The following CA10 variants were observed in gnomAD, a reference collection of about 807,000 sequenced individuals.
CA10 encodes the protein carbonic anhydrase-related protein 10.
Under a neutral mutation model 44.2 loss-of-function variants are expected in CA10, and 14 were observed. The observed-to-expected ratio is 0.32, with a 90% CI of 0.21 to 0.50. The LOEUF is 0.50. CA10 is among the 20% of genes least tolerant of loss of function. The pLI is 0.99. For missense variants in CA10, 350 were observed against 409.7 expected (o/e 0.85, Z 1.26); for synonymous variants, 159 against 141.6 (o/e 1.12, Z -0.87).
At chr17:52,105,248 C>T (rs984284863) in intron 1 of CA10, among the ~76,000 whole-genome samples, 3 of 147,200 alleles carry the variant, frequency 2.0e-5, no homozygotes, top group Admixed American at 6.9e-5. Context: ...TTCAAATCCT[C>T]ATGTTTTTTT....
At chr17:51,670,225 G>C (rs1219721767) in intron 4 of CA10, among the ~76,000 whole-genome samples, 1 of 152,186 alleles carries the variant, frequency 6.6e-6, no homozygotes, top group Non-Finnish European at 1.5e-5. Flanking sequence ...AATTATAGTA[G>C]CTACCATTTA....
At chr17:51,901,335 A>T (rs940629639) in intron 3 of CA10, among the ~76,000 whole-genome samples, 9 of 152,016 alleles carry the variant, frequency 5.9e-5, no homozygotes, top group African/African-American at 2.2e-4. Context: ...GGGGCCTGGT[A>T]CCCAGCCCCC....
chr17:51,906,556 T>C (rs1278787199), intron 3 of CA10, among the ~76,000 whole-genome samples: 3 of 152,192 alleles, frequency 2.0e-5, no homozygotes, highest in Non-Finnish European at 4.4e-5. Flanking sequence ...GATAGTCTAA[T>C]GTATGCCCAT....
At chr17:51,900,565 T>C (rs1368960424) in intron 3 of CA10, among the ~76,000 whole-genome samples, 1 of 152,182 alleles carries the variant, frequency 6.6e-6, no homozygotes, top group Non-Finnish European at 1.5e-5. Flanking sequence ...CAAATTTGAA[T>C]GTTGGCCTAA....
intron 1 of CA10, among the ~76,000 whole-genome samples, chr17:52,141,577 A>G (rs573234300): frequency 1.8e-4 from 27 of 152,318 alleles, no homozygotes; most frequent in African/African-American, 6.3e-4. Flanking sequence ...CAACTACTCA[A>G]TGCTGCTGCT....
intron 3 of CA10, among the ~76,000 whole-genome samples, chr17:51,880,981 T>A (rs1228044089): frequency 1.3e-5 from 2 of 151,912 alleles, no homozygotes; most frequent in African/African-American, 4.8e-5. Context: ...CTCACGCCTG[T>A]AATCCCAGCA....
chr17:51,831,401 T>A (rs182310778), intron 3 of CA10, among the ~76,000 whole-genome samples: 1 of 152,338 alleles, frequency 6.6e-6, no homozygotes, highest in East Asian at 1.9e-4. Context: ...TCTTGTCATG[T>A]GACAAGAAGT....
chr17:51,695,244 A>G (rs1041365781), intron 4 of CA10, among the ~76,000 whole-genome samples: 1 of 152,222 alleles, frequency 6.6e-6, no homozygotes, highest in Non-Finnish European at 1.5e-5. Flanking sequence ...TGCTTTGGGC[A>G]GTATGGCCAT....
intron 3 of CA10, among the ~76,000 whole-genome samples, chr17:51,925,392 C>A (rs1269080984): frequency 2.0e-5 from 3 of 150,870 alleles, no homozygotes; most frequent in Non-Finnish European, 4.4e-5. Context: ...GAGATCACTT[C>A]ACAACCATTA....
intron 2 of CA10, among the ~76,000 whole-genome samples, chr17:51,931,452 C>A (rs1273743719): frequency 4.6e-5 from 7 of 152,100 alleles, no homozygotes; most frequent in African/African-American, 1.7e-4. Flanking sequence ...TTGCAATATG[C>A]CTGGGGTAGC....
chr17:51,856,159 C>T (rs1979032890), intron 3 of CA10, among the ~76,000 whole-genome samples: 1 of 152,166 alleles, frequency 6.6e-6, no homozygotes, highest in South Asian at 2.1e-4. Context: ...GCTGCCAGTG[C>T]TTTCTATTTG....
intron 2 of CA10, among the ~76,000 whole-genome samples, chr17:51,932,926 C>T (rs1290708614): frequency 6.6e-6 from 1 of 151,872 alleles, no homozygotes; most frequent in Non-Finnish European, 1.5e-5. Flanking sequence ...AAAACACTGA[C>T]TTGATCTTAT....
intron 4 of CA10, among the ~76,000 whole-genome samples, chr17:51,740,887 C>T (rs1339462135): frequency 2.6e-5 from 4 of 152,202 alleles, no homozygotes. Context: ...CTCACTCCTT[C>T]CACTCCTCAT....
At position 51,813,907 on chromosome 17, in the gene CA10, C is replaced by A. The variant is rs572449837; in HGVS notation, c.280-66089G>T. On this transcript the variant is annotated intron_variant, in intron 3 of 8. Transcript: ENST00000451037. ...GACCCTAAATCTAGCACTCTTTCTT[C>A]AATGTTTCCAAGCTCTCAGGTGGCT... Among the ~76,000 whole-genome samples, 4 of 152,340 alleles carry A rather than the reference C, an allele frequency of 2.6e-5. No homozygotes were observed. The East Asian group carries it at 7.7e-4, about 29-fold the overall frequency.
chr17:51,813,987 A>T (rs1011571607), intron 3 of CA10, among the ~76,000 whole-genome samples: 57 of 152,226 alleles, frequency 3.7e-4, no homozygotes, highest in African/African-American at 1.4e-3. Context: ...CAAAATCATA[A>T]CCATGCCAAG....
At chr17:51,721,482 G>A (rs949219482) in intron 4 of CA10, among the ~76,000 whole-genome samples, 4 of 151,796 alleles carry the variant, frequency 2.6e-5, no homozygotes, top group South Asian at 2.1e-4. Context: ...TTACACAGGC[G>A]CCTGCCACCA....
chr17:52,086,260 T>C (rs1988114761), intron 1 of CA10, among the ~76,000 whole-genome samples: 1 of 152,186 alleles, frequency 6.6e-6, no homozygotes, highest in Non-Finnish European at 1.5e-5. Flanking sequence ...AAAATCTCAA[T>C]GGCATAGTAC....
At chr17:51,681,419 A>G (rs1263950) in intron 4 of CA10, among the ~76,000 whole-genome samples, 124,039 of 152,120 alleles carry the variant, frequency 0.82, 50,846 homozygotes, top group Admixed American at 0.87. Context: ...AGCCATGCAT[A>G]GCATTGGTTG....
chr17:52,003,238 G>A lies in CA10; in HGVS notation c.136+69081C>T, dbSNP rs185208651. On this transcript the variant is annotated intron_variant, in intron 2 of 8. Coordinates refer to ENST00000451037, the MANE Select transcript of CA10 (RefSeq NM_020178.5). ...TTTACATTTTTCAAGTCAAACTTGAGCATCAGCTCCTCCTGGAAGTCTTCC... is the reference window on the plus strand; with the variant it reads ...TTTACATTTTTCAAGTCAAACTTGAACATCAGCTCCTCCTGGAAGTCTTCC... Among the ~76,000 whole-genome samples the A allele has an allele frequency of 1.1e-4, 17 of 151,984 alleles. No homozygotes were observed. In the East Asian group the frequency reaches 3.3e-3, roughly 30 times the overall value.
Sources: allele counts gnomAD v4.1 joint callset (sites outside exome capture counted in the v4.1 genomes callset), GRCh38; gene constraint gnomAD v4.1.1; transcripts MANE v1.5; gene names NCBI Gene and HGNC (gene_info 2026-07-23, HGNC 2026-07-21).